ADAM18: variants seen among roughly 807,000 people sequenced by gnomAD.
ADAM18 encodes the protein ADAM metallopeptidase domain 18.
In ADAM18, 117 loss-of-function variants were observed where a neutral mutation model predicts 94.4. The observed-to-expected ratio is 1.24, with a 90% CI of 1.07 to 1.45. The LOEUF is 1.45. Among genes scored for constraint, ADAM18 ranks in the 40% most tolerant of loss-of-function variants. The pLI is 0.00. For synonymous variants in ADAM18, 327 were observed against 291.6 expected (o/e 1.12, Z -1.24); for missense variants, 936 against 880.0 (o/e 1.06, Z -0.81).
intron 14 of ADAM18, among the ~76,000 whole-genome samples, chr8:39,669,346 G>T (rs1333241814): frequency 6.8e-6 from 1 of 146,456 alleles, no homozygotes. Context: ...TAAGTTTTAG[G>T]GTACATGTGC....
At chr8:39,722,764 A>T (rs1476523848) in intron 18 of ADAM18, among the ~76,000 whole-genome samples, 1 of 151,632 alleles carries the variant, frequency 6.6e-6, no homozygotes, top group Admixed American at 6.6e-5. Flanking sequence ...AATAAGATTC[A>T]TGCTCTTAGA....
In ADAM18 at chr8:39,700,296, G is replaced by C. The variant is rs141014131; in HGVS notation, c.1903-6494G>C. 4.1e-3 allele frequency among the ~76,000 whole-genome samples: 619 copies of C among 152,266 alleles called. 2 individuals are homozygous for C. Among genetic ancestry groups the C allele is most frequent in the Non-Finnish European group, 6.0e-3 (406 of 68,020 alleles). Reference sequence around the variant, plus strand: ...GTCATGAATTGTAAATGGATGTACAGTAATTTCATTTTATAATTGCTTACT... The same window carrying C: ...GTCATGAATTGTAAATGGATGTACACTAATTTCATTTTATAATTGCTTACT... On this transcript the variant is annotated intron_variant, in intron 17 of 19. Transcript: ENST00000265707.
chr8:39,696,355 GT>G (rs1821928534), intron 17 of ADAM18, among the ~76,000 whole-genome samples: 2 of 134,094 alleles, frequency 1.5e-5, no homozygotes, highest in Non-Finnish European at 3.2e-5. Flanking sequence ...TTGATAATAT[GT>G]TTTGTGTACA....
chr8:39,634,904 T>G (rs1820037401), intron 7 of ADAM18, among the ~76,000 whole-genome samples: 1 of 152,180 alleles, frequency 6.6e-6, no homozygotes, highest in African/African-American at 2.4e-5. Context: ...ATGACATGAA[T>G]TTTGGGAAAC....
chr8:39,706,858 T>C lies in ADAM18; in HGVS notation c.1971T>C (p.Phe657=), dbSNP rs1439473603. The change falls in exon 18 of 20, where the codon TTT becomes TTC. Residue 657 remains phenylalanine, a synonymous_variant. Transcript: ENST00000265707. The part of the protein sequence containing the change: ...GHRPPDCKFQ[F]GSPGGSIDDG... The stretch of plus-strand genomic sequence containing the variant: ...GACCTCCAGATTGTAAATTCCAGTT[T>C]GGTTCCCCAGGGGGTAGTATTGATG... 6.2e-7 allele frequency: 1 copy of C among 1,611,068 alleles called. No homozygotes were observed. The highest frequency in any genetic ancestry group is 1.3e-5 in the African/African-American group (1 of 74,842).
chr8:39,610,022 T>C (rs1231499565), intron 5 of ADAM18, among the ~76,000 whole-genome samples: 2 of 152,192 alleles, frequency 1.3e-5, no homozygotes, highest in South Asian at 2.1e-4. Flanking sequence ...GATAAGTTCA[T>C]CAGGAAAAAA....
chr8:39,681,075 G>T (rs1048559014), intron 16 of ADAM18, among the ~76,000 whole-genome samples: 1 of 152,086 alleles, frequency 6.6e-6, no homozygotes, highest in Non-Finnish European at 1.5e-5. Context: ...CTAATGACTT[G>T]CTTTTAACAA....
intron 17 of ADAM18, among the ~76,000 whole-genome samples, chr8:39,699,387 T>G (rs1277555424): frequency 2.6e-5 from 4 of 152,088 alleles, no homozygotes; most frequent in African/African-American, 9.7e-5. Context: ...TTTAATTATA[T>G]CATGTGTTTT....
chr8:39,593,998 C>T (rs545660971), intron 2 of ADAM18, among the ~76,000 whole-genome samples: 18 of 152,238 alleles, frequency 1.2e-4, no homozygotes, highest in African/African-American at 3.4e-4. Flanking sequence ...TTATATTTAA[C>T]GTCACCATTG....
chr8:39,614,596 G>A (rs1819383061), intron 6 of ADAM18, among the ~76,000 whole-genome samples: 1 of 152,004 alleles, frequency 6.6e-6, no homozygotes, highest in African/African-American at 2.4e-5. Flanking sequence ...CACAATAACA[G>A]GATCAAATCT....
At chr8:39,704,194 C>G (rs1406504577) in intron 17 of ADAM18, among the ~76,000 whole-genome samples, 1 of 152,138 alleles carries the variant, frequency 6.6e-6, no homozygotes, top group Non-Finnish European at 1.5e-5. Flanking sequence ...GAACCCCTCC[C>G]TAACTCATTC....
At chr8:39,586,605 T>C (rs28404859) in intron 2 of ADAM18, among the ~76,000 whole-genome samples, 4,844 of 152,248 alleles carry the variant, frequency 0.032, 288 homozygotes, top group African/African-American at 0.11. Context: ...TGTGTGCCTG[T>C]AGTCCCAGCT....
intron 3 of ADAM18, among the ~76,000 whole-genome samples, chr8:39,607,339 A>G (rs1819116506): frequency 6.6e-6 from 1 of 152,214 alleles, no homozygotes; most frequent in Admixed American, 6.5e-5. Context: ...TATAAAAATA[A>G]AGTAGCCTCT....
intron 6 of ADAM18, among the ~76,000 whole-genome samples, chr8:39,622,689 T>C (rs182264529): frequency 6.6e-6 from 1 of 152,240 alleles, no homozygotes; most frequent in East Asian, 1.9e-4. Context: ...TTTCATGTCT[T>C]ATTTAATGCT....
intron 17 of ADAM18, among the ~76,000 whole-genome samples, chr8:39,704,918 T>C (rs1316361967): frequency 6.6e-6 from 1 of 152,150 alleles, no homozygotes; most frequent in Non-Finnish European, 1.5e-5. Context: ...CCTTGTACTT[T>C]CATTGGAGGG....
rs768285628 is a variant in ADAM18, at chr8:39,638,519, T to C, written c.882T>C (p.Asn294=). The change falls in exon 10 of 20, where the codon AAT becomes AAC. Residue 294 remains asparagine, a synonymous_variant. Transcript: ENST00000265707. ...VGATFPGTVC[N]KSYDAGIAMY... ...CAACATTTCCTGGCACTGTATGCAA[T>C]AAAAGCTATGATGCAGGTATTGCTA... 28 of 1,576,958 alleles carry C rather than the reference T, an allele frequency of 1.8e-5. No homozygotes were observed. The highest frequency in any genetic ancestry group is 4.8e-5 in the South Asian group (4 of 83,146).
intron 10 of ADAM18, among the ~76,000 whole-genome samples, chr8:39,640,245 C>T (rs1044700232): frequency 3.9e-5 from 6 of 152,010 alleles, no homozygotes; most frequent in Non-Finnish European, 7.4e-5. Flanking sequence ...GTGTTCTCAT[C>T]ATTCAGCTCC....
chr8:39,638,440 T>G lies in ADAM18; in HGVS notation c.828-25T>G, dbSNP rs1820146816. ...TTACAAATTGTTTTGCATAACTACG[T>G]TAATAAAAAATTATAATAATGTAGT... On this transcript the variant is annotated intron_variant, in intron 9 of 19. Transcript: ENST00000265707. 2.7e-6 allele frequency: 4 copies of G among 1,469,126 alleles called. No homozygotes were observed. The East Asian group carries it at 7.1e-5, about 26-fold the overall frequency. 91.0% of individuals were successfully genotyped at this position (1,469,126 alleles called of 1,614,324 possible).
At chr8:39,695,333 T>C (rs1011375526) in intron 17 of ADAM18, among the ~76,000 whole-genome samples, 56 of 151,682 alleles carry the variant, frequency 3.7e-4, no homozygotes, top group African/African-American at 1.3e-3. Context: ...TCAAAGTAGA[T>C]GTATCATTTT....
Sources: gnomAD v4.1 joint callset for allele counts (sites outside exome capture counted in the v4.1 genomes callset) on GRCh38, gnomAD v4.1.1 for gene constraint, MANE v1.5 for transcripts, NCBI Gene and HGNC (gene_info 2026-07-23, HGNC 2026-07-21) for gene names.